Variants in WWOX observed in about 807,000 individuals in gnomAD.
The protein encoded by WWOX is WW domain containing oxidoreductase, also known as WW domain-containing oxidoreductase.
In WWOX, 69 loss-of-function variants were observed where a neutral mutation model predicts 46.2. That is an observed-to-expected ratio of 1.49 (90% CI 1.23 to 1.82). The LOEUF is 1.82. Among genes scored for constraint, WWOX ranks in the 40% most tolerant of loss-of-function variants. The pLI is 0.00. For missense variants in WWOX, 919 were observed against 542.6 expected, an observed-to-expected ratio of 1.69 and a Z score of -6.89; for synonymous variants, 359 against 202.6, an observed-to-expected ratio of 1.77 and a Z score of -6.56.
At chr16:78,223,815 G>A (rs146799808) in intron 5 of WWOX, among the ~76,000 whole-genome samples, 90 of 152,270 alleles carry the variant, frequency 5.9e-4, no homozygotes, top group Admixed American at 2.1e-3. Flanking sequence ...TTCCAAAACA[G>A]CAGCACAACA....
intron 8 of WWOX, among the ~76,000 whole-genome samples, chr16:78,567,531 C>T (rs1428568463): frequency 3.4e-5 from 4 of 118,568 alleles, no homozygotes; most frequent in Admixed American, 1.2e-4. Context: ...CCAGCCTGGG[C>T]GACAGAAGGA....
intron 8 of WWOX, among the ~76,000 whole-genome samples, chr16:78,906,928 C>T (rs1367730884): frequency 1.3e-5 from 2 of 152,186 alleles, no homozygotes; most frequent in African/African-American, 4.8e-5. Flanking sequence ...GAAATAATTA[C>T]GCAAATAAGC....
chr16:78,947,305 G>C (rs955644277), intron 8 of WWOX, among the ~76,000 whole-genome samples: 1 of 152,184 alleles, frequency 6.6e-6, no homozygotes. Context: ...AAGCAATAAA[G>C]GCAGGAACGC....
chr16:78,384,683 A>G (rs927133051), intron 5 of WWOX, among the ~76,000 whole-genome samples: 1 of 152,098 alleles, frequency 6.6e-6, no homozygotes, highest in Non-Finnish European at 1.5e-5. Flanking sequence ...GATCAGGTTC[A>G]TGTTTCTCCT....
intron 5 of WWOX, among the ~76,000 whole-genome samples, chr16:78,174,618 A>G (rs926907095): frequency 9.9e-5 from 15 of 152,142 alleles, no homozygotes; most frequent in Non-Finnish European, 1.5e-5. Context: ...ATGTCTTTTT[A>G]ATTTTTTTAA....
At chr16:78,526,764 A>C (rs546655115) in intron 8 of WWOX, among the ~76,000 whole-genome samples, 3 of 152,272 alleles carry the variant, frequency 2.0e-5, no homozygotes, top group Admixed American at 2.0e-4. Flanking sequence ...TGAGGGCAAC[A>C]GGGGCAGTGG....
At position 78,499,281 on chromosome 16, in the gene WWOX, T is replaced by G. The variant is rs554777446; in HGVS notation, c.1056+66529T>G. 3.3e-5 allele frequency among the ~76,000 whole-genome samples: 5 copies of G among 152,266 alleles called. 1 individual carries two copies. Among genetic ancestry groups the G allele is most frequent in the African/African-American group, 9.6e-5 (4 of 41,576 alleles). ...AAGGCAGCAAGCTACGATGTTCTTA[T>G]GTGTGTGGCCTTGCTTCTGGTGGTG... On this transcript the variant is annotated intron_variant, in intron 8 of 8. Coordinates refer to ENST00000566780, the MANE Select transcript of WWOX (RefSeq NM_016373.4).
chr16:79,177,658 G>A (rs1469683263), intron 8 of WWOX, among the ~76,000 whole-genome samples: 1 of 152,140 alleles, frequency 6.6e-6, no homozygotes, highest in African/African-American at 2.4e-5. Flanking sequence ...CTCAATGTGT[G>A]TTCAGTTCTG....
chr16:79,142,195 A>C (rs1409262931), intron 8 of WWOX, among the ~76,000 whole-genome samples: 1 of 152,152 alleles, frequency 6.6e-6, no homozygotes, highest in Non-Finnish European at 1.5e-5. Context: ...GGAGGTGACC[A>C]AGCAGACATG....
chr16:78,774,192 G>C (rs560224841), intron 8 of WWOX, among the ~76,000 whole-genome samples: 2 of 152,282 alleles, frequency 1.3e-5, no homozygotes, highest in South Asian at 4.1e-4. Context: ...CATGAGGTCA[G>C]GAGATGGAGA....
At chr16:79,047,263 C>A (rs1437948086) in intron 8 of WWOX, among the ~76,000 whole-genome samples, 2 of 152,100 alleles carry the variant, frequency 1.3e-5, no homozygotes, top group African/African-American at 4.8e-5. Flanking sequence ...ATTTAAAGGC[C>A]ACAAATACTT....
intron 8 of WWOX, among the ~76,000 whole-genome samples, chr16:78,510,457 A>G (rs369022447): frequency 3.3e-5 from 5 of 152,148 alleles, no homozygotes; most frequent in African/African-American, 1.2e-4. Flanking sequence ...CAAGTGATCC[A>G]CCTGCCTCAC....
Position 79,166,026 on chromosome 16 carries a change from T to G in WWOX, c.1057-45582T>G, listed in dbSNP as rs112801371. On this transcript the variant is annotated intron_variant, in intron 8 of 8. Coordinates refer to ENST00000566780, the MANE Select transcript of WWOX (RefSeq NM_016373.4). ...ATGTCATTTTCATAACTATCTGCAT[T>G]TCAGGTACAGTGATCTCCTTTAAAA... Among the ~76,000 whole-genome samples the G allele has an allele frequency of 7.2e-3, 1,096 of 152,320 alleles. 7 individuals carry two copies. Among genetic ancestry groups the G allele is most frequent in the South Asian group, 0.011 (54 of 4,826 alleles).
chr16:78,488,459 C>T (rs749828669), intron 8 of WWOX, among the ~76,000 whole-genome samples: 1 of 152,140 alleles, frequency 6.6e-6, no homozygotes, highest in African/African-American at 2.4e-5. Flanking sequence ...GAGATTGGCT[C>T]TTCCTGAGAT....
rs566111478 is a variant in WWOX, at chr16:78,778,389, C to G, written c.1056+345637C>G. Among the ~76,000 whole-genome samples the G allele has an allele frequency of 5.9e-5, 9 of 152,284 alleles. No homozygotes were observed. The South Asian group carries it at 1.9e-3, about 32-fold the overall frequency. On this transcript the variant is annotated intron_variant, in intron 8 of 8. Coordinates refer to ENST00000566780, the MANE Select transcript of WWOX (RefSeq NM_016373.4). ...AAGGAACGAGGTGACAGCAAGACCACAAACTAATAAATATGCCGGTATTGA... is the reference window on the plus strand; with the variant it reads ...AAGGAACGAGGTGACAGCAAGACCAGAAACTAATAAATATGCCGGTATTGA...
intron 8 of WWOX, among the ~76,000 whole-genome samples, chr16:78,627,742 C>G (rs112765379): frequency 6.6e-5 from 10 of 152,312 alleles, no homozygotes; most frequent in African/African-American, 2.4e-4. Context: ...CCTATGTTAA[C>G]TCTATTTCAT....
At chr16:78,360,112 A>G (rs2081378744) in intron 5 of WWOX, among the ~76,000 whole-genome samples, 1 of 152,230 alleles carries the variant, frequency 6.6e-6, no homozygotes, top group Non-Finnish European at 1.5e-5. Context: ...CACATTAAAA[A>G]CAACGACAAA....
chr16:78,403,080 A>G (rs1214970782), intron 6 of WWOX, among the ~76,000 whole-genome samples: 1 of 152,242 alleles, frequency 6.6e-6, no homozygotes, highest in Non-Finnish European at 1.5e-5. Flanking sequence ...TTACAGCTCC[A>G]TATATCTCTA....
rs2151292924 is a variant in WWOX at position 78,941,878 on chromosome 16, T to C, written c.1057-269730T>C. On this transcript the variant is annotated intron_variant, in intron 8 of 8. Transcript: ENST00000566780. ...CATGGTGGTTCTTTTTGCCCACTTA[T>C]TTAGGCCTTAATTTAATTACGGCGC... 1.3e-5 allele frequency among the ~76,000 whole-genome samples: 2 copies of C among 152,352 alleles called. 1 individual carries two copies. The highest frequency in any genetic ancestry group is 4.1e-4 in the South Asian group (2 of 4,832).
Sources: gnomAD v4.1 joint callset for allele counts (sites outside exome capture counted in the v4.1 genomes callset) on GRCh38, gnomAD v4.1.1 for gene constraint, MANE v1.5 for transcripts, NCBI Gene and HGNC (gene_info 2026-07-23, HGNC 2026-07-21) for gene names.